RAD51B: variants seen among roughly 807,000 people sequenced by gnomAD.
The protein encoded by RAD51B is DNA repair protein RAD51 homolog 2.
Under a neutral mutation model 42.2 loss-of-function variants are expected in RAD51B, and 38 were observed. That is an observed-to-expected ratio of 0.90 (90% CI 0.70 to 1.18). The LOEUF is 1.18. RAD51B is among the 50% of genes most tolerant of loss of function. The probability of loss-of-function intolerance (pLI) is 0.00; values close to 1 mark genes in which losing one functional copy is unlikely to be tolerated. For missense variants in RAD51B, 373 were observed against 400.7 expected (o/e 0.93, Z 0.59); for synonymous variants, 154 against 145.2 (o/e 1.06, Z -0.43).
At chr14:68,169,414 G>A (rs750692677) in intron 7 of RAD51B, among the ~76,000 whole-genome samples, 1 of 151,978 alleles carries the variant, frequency 6.6e-6, no homozygotes, top group African/African-American at 2.4e-5. Flanking sequence ...AACCTTCTTA[G>A]TCTATTATTG....
chr14:68,424,416 CTT>C (rs2140115848), intron 9 of RAD51B, among the ~76,000 whole-genome samples: 1 of 152,278 alleles, frequency 6.6e-6, no homozygotes, highest in East Asian at 1.9e-4. Flanking sequence ...ACTGGTGCCT[CTT>C]TATAATAAAA....
At chr14:67,833,990 C>T (rs2041144600) in intron 3 of RAD51B, among the ~76,000 whole-genome samples, 1 of 152,154 alleles carries the variant, frequency 6.6e-6, no homozygotes, top group Non-Finnish European at 1.5e-5. Context: ...TGTGGCAGTT[C>T]TAATACAAAT....
chr14:68,559,831 G>A (rs1021130524), intron 10 of RAD51B, among the ~76,000 whole-genome samples: 4 of 152,166 alleles, frequency 2.6e-5, no homozygotes, highest in Non-Finnish European at 2.9e-5. Context: ...ACTGCACCCC[G>A]AGGAGGACTC....
At chr14:68,403,596 G>A (rs1004475910) in intron 8 of RAD51B, among the ~76,000 whole-genome samples, 6 of 152,140 alleles carry the variant, frequency 3.9e-5, no homozygotes, top group African/African-American at 1.2e-4. Flanking sequence ...CTGATTGCAC[G>A]AGGGCTACAC....
rs188704108 is a variant in RAD51B, at chr14:67,824,796, C to T, written c.85-668C>T. Among the ~76,000 whole-genome samples the T allele has an allele frequency of 5.9e-5, 9 of 151,638 alleles. No homozygotes were observed. The South Asian group carries it at 1.0e-3, about 18-fold the overall frequency. Reference sequence around the variant, plus strand: ...CTTCTAGCTTAGAAAGAAACTCTTTCGGCCGGGCACGGTGGCTCACACCTG... The same window carrying T: ...CTTCTAGCTTAGAAAGAAACTCTTTTGGCCGGGCACGGTGGCTCACACCTG... On this transcript the variant is annotated intron_variant, in intron 2 of 10. Coordinates refer to ENST00000471583, the MANE Select transcript of RAD51B (RefSeq NM_133510.4).
At chr14:67,865,870 G>A (rs1402135294) in intron 5 of RAD51B, among the ~76,000 whole-genome samples, 1 of 152,196 alleles carries the variant, frequency 6.6e-6, no homozygotes, top group Non-Finnish European at 1.5e-5. Context: ...TATCCCAGTA[G>A]TAAATGAATA....
intron 10 of RAD51B, among the ~76,000 whole-genome samples, chr14:68,580,251 G>A (rs958074943): frequency 1.3e-5 from 2 of 152,182 alleles, no homozygotes; most frequent in Non-Finnish European, 2.9e-5. Flanking sequence ...AGGGAGGCCT[G>A]CCACTCTGCC....
At chr14:68,001,851 T>C (rs557837261) in intron 7 of RAD51B, among the ~76,000 whole-genome samples, 32 of 152,306 alleles carry the variant, frequency 2.1e-4, no homozygotes, top group Admixed American at 2.1e-3. Flanking sequence ...TCCAGTTCCA[T>C]CCGTGTCCCT....
At chr14:68,117,159 C>G (rs573162432) in intron 7 of RAD51B, among the ~76,000 whole-genome samples, 146 of 152,188 alleles carry the variant, frequency 9.6e-4, no homozygotes, top group Admixed American at 2.4e-3. Context: ...AAATGCTTCT[C>G]TTTTGTTATA....
intron 7 of RAD51B, among the ~76,000 whole-genome samples, chr14:68,068,806 A>T (rs1442639290): frequency 2.0e-5 from 3 of 152,192 alleles, no homozygotes; most frequent in Admixed American, 6.5e-5. Flanking sequence ...TGGTTACATG[A>T]CTTGGTTTTC....
intron 9 of RAD51B, among the ~76,000 whole-genome samples, chr14:68,452,737 G>A (rs547829131): frequency 2.2e-4 from 34 of 151,862 alleles, no homozygotes; most frequent in African/African-American, 4.6e-4. Flanking sequence ...TTCCTATGAC[G>A]TACCGCATTT....
chr14:68,602,693 C>T (rs972042096), intron 10 of RAD51B, among the ~76,000 whole-genome samples: 12 of 152,172 alleles, frequency 7.9e-5, no homozygotes, highest in African/African-American at 1.7e-4. Context: ...GGCCCACCCA[C>T]GTTGCGGAAG....
chr14:68,046,826 T>C (rs1044718721), intron 7 of RAD51B, among the ~76,000 whole-genome samples: 1 of 152,190 alleles, frequency 6.6e-6, no homozygotes, highest in East Asian at 1.9e-4. Context: ...TAAAATTATA[T>C]TGAAGTCCAG....
chr14:68,289,412 C>T (rs2081474413), intron 7 of RAD51B, among the ~76,000 whole-genome samples: 1 of 151,970 alleles, frequency 6.6e-6, no homozygotes, highest in Non-Finnish European at 1.5e-5. Flanking sequence ...AAGCTCATAC[C>T]CTATATTATA....
chr14:68,049,352 AT>A (rs2076356224), intron 7 of RAD51B, among the ~76,000 whole-genome samples: 2 of 152,216 alleles, frequency 1.3e-5, no homozygotes, highest in African/African-American at 2.4e-5. Context: ...AACTTAAAGT[AT>A]AATAAAATAT....
rs182478394 is a variant in RAD51B at position 68,607,531 on chromosome 14, C to T, written c.1037-3475C>T. ...CCCGTGAGGCTCCTCAGCCCACGTCCGCCCTTTTCTGTTTACACTGGGAGA... is the reference window on the plus strand; with the variant it reads ...CCCGTGAGGCTCCTCAGCCCACGTCTGCCCTTTTCTGTTTACACTGGGAGA... On this transcript the variant is annotated intron_variant, in intron 10 of 10. Coordinates refer to the RAD51B transcript ENST00000487861. Among the ~76,000 whole-genome samples the T allele has an allele frequency of 2.6e-5, 4 of 152,322 alleles. No homozygotes were observed. In the East Asian group the frequency reaches 5.8e-4, roughly 22 times the overall value.
intron 10 of RAD51B, among the ~76,000 whole-genome samples, chr14:68,581,923 A>G (rs1890225539): frequency 6.6e-6 from 1 of 152,238 alleles, no homozygotes; most frequent in African/African-American, 2.4e-5. Context: ...TTCCCTATTT[A>G]ATAAATGGTG....
chr14:68,007,344 G>T (rs893203997), intron 7 of RAD51B, among the ~76,000 whole-genome samples: 1 of 151,802 alleles, frequency 6.6e-6, no homozygotes, highest in Admixed American at 6.6e-5. Context: ...CGTTTTGTTT[G>T]GACATGTGCT....
rs146526690 is a variant in RAD51B at position 68,335,166 on chromosome 14, G to A, written c.853+43186G>A. On this transcript the variant is annotated intron_variant, in intron 8 of 10. Coordinates refer to ENST00000471583, the MANE Select transcript of RAD51B (RefSeq NM_133510.4). The stretch of plus-strand genomic sequence containing the variant: ...ACAAAAATTAGCTGGGCATGGTGGC[G>A]GGTGCTTGTAATTCCAGCTACTCCG... Among the ~76,000 whole-genome samples the A allele has an allele frequency of 3.3e-5, 5 of 149,862 alleles. No homozygotes were observed. In the East Asian group the frequency reaches 9.8e-4, roughly 29 times the overall value.
Sources: gnomAD v4.1 joint callset for allele counts (sites outside exome capture counted in the v4.1 genomes callset) on GRCh38, gnomAD v4.1.1 for gene constraint, MANE v1.5 for transcripts, NCBI Gene and HGNC (gene_info 2026-07-23, HGNC 2026-07-21) for gene names.